SMYD3: variants seen among roughly 807,000 people sequenced by gnomAD.
The protein encoded by SMYD3 is histone-lysine N-methyltransferase SMYD3.
A neutral mutation model predicts 57.7 loss-of-function variants in SMYD3; 36 were observed. The observed-to-expected ratio is 0.62, with a 90% CI of 0.48 to 0.82. The LOEUF is 0.82. Among genes scored for constraint, SMYD3 ranks in the 40% least tolerant of loss-of-function variants. The pLI is 0.00. For missense variants in SMYD3, 515 were observed against 538.8 expected, an observed-to-expected ratio of 0.96 and a Z score of 0.44; for synonymous variants, 211 against 195.0, an observed-to-expected ratio of 1.08 and a Z score of -0.68.
intron 5 of SMYD3, among the ~76,000 whole-genome samples, chr1:246,119,417 T>C (rs1391117430): frequency 1.6e-4 from 18 of 110,738 alleles, no homozygotes; most frequent in African/African-American, 6.4e-4. Context: ...TTCTTTCTTT[T>C]TTTTTTTTTT....
chr1:245,887,649 C>T (rs901401806), intron 8 of SMYD3, among the ~76,000 whole-genome samples: 1 of 152,166 alleles, frequency 6.6e-6, no homozygotes, highest in African/African-American at 2.4e-5. Context: ...TCTTTCTAGA[C>T]TGACCAGGGA....
intron 5 of SMYD3, among the ~76,000 whole-genome samples, chr1:246,147,690 T>C (rs367636825): frequency 1.3e-5 from 2 of 151,576 alleles, no homozygotes; most frequent in East Asian, 2.0e-4. Context: ...GGAGCTTCCC[T>C]GTGCTCTTGG....
chr1:246,368,713 G>T (rs2066146511), intron 1 of SMYD3, among the ~76,000 whole-genome samples: 1 of 152,134 alleles, frequency 6.6e-6, no homozygotes, highest in Non-Finnish European at 1.5e-5. Context: ...ACCTGGGTGG[G>T]CACCATCTAA....
chr1:245,893,918 G>A lies in SMYD3; in HGVS notation c.813+21612C>T, dbSNP rs77042882. On this transcript the variant is annotated intron_variant, in intron 8 of 11. Transcript: ENST00000490107. ...CTCTTATCACTATAGAAACAGCATA[G>A]TGAAGAGGTTAGGGCTATACTCTTG... Among the ~76,000 whole-genome samples the A allele has an allele frequency of 3.9e-5, 6 of 152,310 alleles. No homozygotes were observed. The East Asian group carries it at 9.7e-4, about 25-fold the overall frequency.
At chr1:246,200,602 G>A (rs1031588306) in intron 5 of SMYD3, among the ~76,000 whole-genome samples, 5 of 120,808 alleles carry the variant, frequency 4.1e-5, no homozygotes, top group Middle Eastern at 4.2e-3. Context: ...GTACACAGAC[G>A]TCACTATAAT....
intron 4 of SMYD3, among the ~76,000 whole-genome samples, chr1:246,329,122 G>A (rs1408413393): frequency 6.6e-6 from 1 of 152,140 alleles, no homozygotes; most frequent in Non-Finnish European, 1.5e-5. Flanking sequence ...CCAAGTCTTT[G>A]CTATTGTGAA....
intron 10 of SMYD3, among the ~76,000 whole-genome samples, chr1:245,798,398 A>ATACT (rs144282106): frequency 6.5e-5 from 1 of 15,398 alleles, no homozygotes; most frequent in African/African-American, 8.4e-5. Flanking sequence ...GCGCACACAC[A>ATACT]CACACACATA....
At chr1:246,147,846 T>G (rs1191369472) in intron 5 of SMYD3, among the ~76,000 whole-genome samples, 1 of 152,012 alleles carries the variant, frequency 6.6e-6, no homozygotes, top group Non-Finnish European at 1.5e-5. Context: ...TGGTGGAGCG[T>G]GAACTCCGCA....
intron 1 of SMYD3, among the ~76,000 whole-genome samples, chr1:246,400,423 A>C (rs1470267624): frequency 6.6e-6 from 1 of 152,168 alleles, no homozygotes; most frequent in African/African-American, 2.4e-5. Flanking sequence ...TTTTTTTGAA[A>C]TGGTGTCTTG....
At chr1:245,761,491 T>C (rs79193274) in intron 11 of SMYD3, among the ~76,000 whole-genome samples, 4,148 of 152,290 alleles carry the variant, frequency 0.027, 187 homozygotes, top group African/African-American at 0.093. Context: ...CTTGTCCTTA[T>C]AGTTGAGGGT....
intron 9 of SMYD3, among the ~76,000 whole-genome samples, chr1:245,859,187 C>G (rs1322962188): frequency 6.6e-6 from 1 of 152,200 alleles, no homozygotes; most frequent in Non-Finnish European, 1.5e-5. Flanking sequence ...CACAGGCACA[C>G]ACTAGGTGGA....
chr1:246,129,044 C>T (rs546174977), intron 5 of SMYD3, among the ~76,000 whole-genome samples: 3 of 152,134 alleles, frequency 2.0e-5, no homozygotes, highest in Non-Finnish European at 4.4e-5. Context: ...GCGATCTGCG[C>T]ACCTCGGCCT....
intron 5 of SMYD3, among the ~76,000 whole-genome samples, chr1:245,963,245 A>G (rs932592178): frequency 2.0e-5 from 3 of 152,236 alleles, no homozygotes; most frequent in African/African-American, 7.2e-5. Context: ...TGCATCTTAT[A>G]AATATACACA....
intron 10 of SMYD3, among the ~76,000 whole-genome samples, chr1:245,795,598 T>C (rs2148207674): frequency 6.6e-6 from 1 of 152,316 alleles, no homozygotes; most frequent in East Asian, 1.9e-4. Flanking sequence ...ATTTTGTCTC[T>C]TGTGGCCTAA....
At chr1:246,369,052 T>G (rs1308263875) in intron 1 of SMYD3, among the ~76,000 whole-genome samples, 1 of 152,214 alleles carries the variant, frequency 6.6e-6, no homozygotes, top group Non-Finnish European at 1.5e-5. Flanking sequence ...ACTAAGCAGT[T>G]TAACCTCTCA....
rs142837607 is a variant in SMYD3 at position 246,031,519 on chromosome 1, C to T, written c.532-101582G>A. Among the ~76,000 whole-genome samples the T allele has an allele frequency of 9.6e-3, 1,460 of 152,136 alleles. 15 individuals carry two copies. Among genetic ancestry groups the T allele is most frequent in the Middle Eastern group, 0.014 (4 of 294 alleles). On this transcript the variant is annotated intron_variant, in intron 5 of 11. Coordinates refer to ENST00000490107, the MANE Select transcript of SMYD3 (RefSeq NM_001167740.2). The stretch of plus-strand genomic sequence containing the variant: ...CTGGGAGGCCGAGGCAGGCAGATCA[C>T]GAAGTCAGGAGATCAAAACCATCCT...
intron 4 of SMYD3, among the ~76,000 whole-genome samples, chr1:246,327,747 C>T (rs886833549): frequency 2.0e-5 from 3 of 152,136 alleles, no homozygotes; most frequent in African/African-American, 7.2e-5. Context: ...AACTAATAAA[C>T]AGCATCACCT....
At chr1:245,987,804 C>T (rs2058732348) in intron 5 of SMYD3, among the ~76,000 whole-genome samples, 1 of 152,192 alleles carries the variant, frequency 6.6e-6, no homozygotes, top group South Asian at 2.1e-4. Context: ...TCTTAAACAT[C>T]TGAGGGTTTG....
chr1:246,172,715 C>T (rs1464151395), intron 5 of SMYD3, among the ~76,000 whole-genome samples: 1 of 144,518 alleles, frequency 6.9e-6, no homozygotes, highest in East Asian at 2.1e-4. Context: ...CTGTTCTCTA[C>T]TGCAGACTAT....
Sources: allele counts gnomAD v4.1 joint callset (sites outside exome capture counted in the v4.1 genomes callset), GRCh38; gene constraint gnomAD v4.1.1; transcripts MANE v1.5; gene names NCBI Gene and HGNC (gene_info 2026-07-23, HGNC 2026-07-21).